The following RASGRP3 variants were observed in gnomAD, a reference collection of about 807,000 sequenced individuals.
The protein encoded by RASGRP3 is RAS guanyl releasing protein 3, also known as ras guanyl-releasing protein 3.
A neutral mutation model predicts 82.7 loss-of-function variants in RASGRP3; 54 were observed. That is an observed-to-expected ratio of 0.65 (90% CI 0.52 to 0.82). The LOEUF is 0.82. RASGRP3 is among the 40% of genes least tolerant of loss of function. RASGRP3 has a pLI of 0.00. For synonymous variants in RASGRP3, 309 were observed against 300.5 expected (o/e 1.03, Z -0.29); for missense variants, 861 against 828.9 (o/e 1.04, Z -0.48).
intron 2 of RASGRP3, among the ~76,000 whole-genome samples, chr2:33,467,980 TTTTCTTTCTTTCTTTC>T (rs60989460): frequency 0.11 from 12,719 of 116,118 alleles, 782 homozygotes; most frequent in Admixed American, 0.19. Context: ...TGGTGAGGCT[TTTTCTTTCTTTCTTTC>T]TTTCTTTCTT....
chr2:33,485,129 C>G (rs1323143997), intron 1 of RASGRP3, among the ~76,000 whole-genome samples: 2 of 152,154 alleles, frequency 1.3e-5, no homozygotes, highest in Non-Finnish European at 2.9e-5. Flanking sequence ...ACCCAGGAGG[C>G]AGAGGTTGCG....
At chr2:33,442,466 A>G (rs1193369598) in intron 1 of RASGRP3, among the ~76,000 whole-genome samples, 1 of 152,242 alleles carries the variant, frequency 6.6e-6, no homozygotes, top group Non-Finnish European at 1.5e-5. Flanking sequence ...AACAAAACCC[A>G]GTATGTTTTC....
chr2:33,539,533 G>C, intron 12 of RASGRP3: 1 of 171,684 alleles, frequency 5.8e-6, no homozygotes, highest in Non-Finnish European at 1.2e-5. Context: ...ACCCACATAG[G>C]TCCCACTAAG....
intron 14 of RASGRP3, among the ~76,000 whole-genome samples, chr2:33,554,581 T>C (rs1459712434): frequency 6.6e-6 from 1 of 152,090 alleles, no homozygotes; most frequent in African/African-American, 2.4e-5. Context: ...CATGCCATTC[T>C]CCTGCCTCAG....
chr2:33,437,553 C>T (rs1664991892), intron 1 of RASGRP3, among the ~76,000 whole-genome samples: 3 of 152,138 alleles, frequency 2.0e-5, no homozygotes, highest in Admixed American at 2.0e-4. Context: ...GCTGTTATTT[C>T]TTTTGCCCTA....
At chr2:33,493,801 A>G (rs1669069482) in intron 1 of RASGRP3, among the ~76,000 whole-genome samples, 1 of 152,158 alleles carries the variant, frequency 6.6e-6, no homozygotes, top group Non-Finnish European at 1.5e-5. Flanking sequence ...AGATTGAAAT[A>G]ATCTTTACAA....
intron 1 of RASGRP3, among the ~76,000 whole-genome samples, chr2:33,477,350 C>G (rs1037533769): frequency 2.0e-5 from 3 of 152,132 alleles, no homozygotes; most frequent in Non-Finnish European, 4.4e-5. Flanking sequence ...TTTTTTCCCC[C>G]CAACAAGCTA....
chr2:33,550,098 C>T (rs939159700), intron 14 of RASGRP3, among the ~76,000 whole-genome samples: 7 of 152,132 alleles, frequency 4.6e-5, no homozygotes, highest in Admixed American at 3.9e-4. Context: ...TTAGCGAGTT[C>T]CTTCCAGTTT....
chr2:33,498,670 T>C (rs1217589671), intron 1 of RASGRP3, among the ~76,000 whole-genome samples: 2 of 152,212 alleles, frequency 1.3e-5, no homozygotes, highest in Non-Finnish European at 2.9e-5. Context: ...TTCAGTGCCA[T>C]TTTCTCTGTG....
chr2:33,471,622 A>T (rs1395155120), intron 2 of RASGRP3, among the ~76,000 whole-genome samples: 1 of 151,982 alleles, frequency 6.6e-6, no homozygotes, highest in Non-Finnish European at 1.5e-5. Context: ...TGAACACTTC[A>T]TATACCATGG....
chr2:33,463,835 C>G, intron 2 of RASGRP3, among the ~76,000 whole-genome samples: 1 of 151,754 alleles, frequency 6.6e-6, no homozygotes, highest in South Asian at 2.1e-4. Context: ...CTCCTGACCT[C>G]GTGATCCGCC....
chr2:33,510,775 A>T (rs916882808), intron 1 of RASGRP3, among the ~76,000 whole-genome samples: 1 of 152,218 alleles, frequency 6.6e-6, no homozygotes, highest in African/African-American at 2.4e-5. Context: ...AATTTTACTC[A>T]GAGATAAGTC....
chr2:33,501,465 G>C (rs1669871198), intron 1 of RASGRP3, among the ~76,000 whole-genome samples: 1 of 152,182 alleles, frequency 6.6e-6, no homozygotes, highest in South Asian at 2.1e-4. Context: ...TTTTTGAGGA[G>C]CTACCTAACT....
chr2:33,512,478 G>A (rs986573848), intron 2 of RASGRP3, among the ~76,000 whole-genome samples: 17 of 152,194 alleles, frequency 1.1e-4, no homozygotes, highest in Admixed American at 4.6e-4. Context: ...GGTACTGATA[G>A]AGTTTACATT....
chr2:33,476,414 G>A (rs1301002593), upstream of RASGRP3: 2 of 152,236 alleles, frequency 1.3e-5, no homozygotes, highest in African/African-American at 4.8e-5. Flanking sequence ...CTTATCAGCT[G>A]TTTGGCTTTT....
chr2:33,509,507 A>G (rs764825085), intron 1 of RASGRP3, among the ~76,000 whole-genome samples: 7 of 152,188 alleles, frequency 4.6e-5, no homozygotes, highest in Non-Finnish European at 8.8e-5. Context: ...CAATACTGTC[A>G]TGAGCTACTT....
At chr2:33,475,101 T>C (rs1043048333), upstream of RASGRP3, among the ~76,000 whole-genome samples, 2 of 152,260 alleles carry the variant, frequency 1.3e-5, no homozygotes, top group African/African-American at 4.8e-5. Context: ...TAATTGAAGA[T>C]TGTCACATCA....
At chr2:33,500,238 G>A (rs933384993) in intron 1 of RASGRP3, among the ~76,000 whole-genome samples, 2 of 152,142 alleles carry the variant, frequency 1.3e-5, no homozygotes, top group Admixed American at 6.5e-5. Flanking sequence ...TGTATGCCAT[G>A]GAAAGGACTT....
In RASGRP3 at chr2:33,460,804, C is replaced by T. The variant is rs562448279; in HGVS notation, c.-261+12861C>T. Among the ~76,000 whole-genome samples, 15 of 152,160 alleles carry T rather than the reference C, an allele frequency of 9.9e-5. 1 individual carries two copies. The highest frequency in any genetic ancestry group is 4.2e-4 in the South Asian group (2 of 4,816). The stretch of plus-strand genomic sequence containing the variant: ...TGCTAGGATTATGGACGTGAGCCAC[C>T]GCACCCAGCCAGATTTAAGTATTTT... On this transcript the variant is annotated intron_variant, in intron 2 of 18. Coordinates refer to the RASGRP3 transcript ENST00000402538.
Sources: allele counts gnomAD v4.1 joint callset (sites outside exome capture counted in the v4.1 genomes callset), GRCh38; gene constraint gnomAD v4.1.1; transcripts MANE v1.5; gene names NCBI Gene and HGNC (gene_info 2026-07-23, HGNC 2026-07-21).